Variants in FGFR1 observed in about 807,000 individuals in gnomAD.
FGFR1 encodes the protein fibroblast growth factor receptor 1, also known as FGFR1/PLAG1 fusion.
Under a neutral mutation model 93.7 loss-of-function variants are expected in FGFR1, and 18 were observed. The ratio of observed to expected loss-of-function variants is 0.19; its 90% CI spans 0.13 to 0.28. FGFR1 has a LOEUF of 0.28. FGFR1 is among the 10% of genes least tolerant of loss of function. The probability of loss-of-function intolerance (pLI) is 1.00; values close to 1 mark genes in which losing one functional copy is unlikely to be tolerated. For missense variants in FGFR1, 731 were observed against 1,080.4 expected, an observed-to-expected ratio of 0.68 and a Z score of 4.53; for synonymous variants, 448 against 429.3, an observed-to-expected ratio of 1.04 and a Z score of -0.54.
intron 1 of FGFR1, chr8:38,463,134 G>T: frequency 6.4e-6 from 1 of 156,654 alleles, no homozygotes. Flanking sequence ...TCCATCTCAT[G>T]GGCTCAAGCA....
intron 1 of FGFR1, 123 bp from the exon 2 acceptor site, chr8:38,457,657 G>C: frequency 1.1e-6 from 1 of 924,322 alleles, no homozygotes; most frequent in Non-Finnish European, 1.6e-6. Context: ...AAGGCGTCCA[G>C]AAGAAAATTG....
chr8:38,416,270 TGG>T (rs1445715214), intron 12 of FGFR1, among the ~76,000 whole-genome samples: 2 of 152,068 alleles, frequency 1.3e-5, no homozygotes, highest in African/African-American at 4.8e-5. Flanking sequence ...CGAGCAACAT[TGG>T]GGTAAGAGCC....
At chr8:38,418,433 A>G (rs1244764255) in intron 9 of FGFR1, 60 bp from the exon 10 acceptor site, 2 of 1,560,912 alleles carry the variant, frequency 1.3e-6, no homozygotes, top group African/African-American at 2.7e-5. Flanking sequence ...ACTCCTTCCC[A>G]TTCTTAGTCA....
rs56174879 is a variant in FGFR1, at chr8:38,419,719, C to T, written c.1098G>A (p.Pro366=). 337 of 1,614,100 alleles carry T rather than the reference C, an allele frequency of 2.1e-4. No individual in the cohort carries two copies. The Middle Eastern group carries it at 3.5e-3, about 17-fold the overall frequency. Residue 366 remains proline, a synonymous_variant, in exon 9 of 18, where the codon CCG becomes CCA. Coordinates refer to ENST00000447712, the MANE Select transcript of FGFR1 (RefSeq NM_023110.3). ...GGTACAGGGGCGAGGTCATCACTGCCGGCCTCTCTTCCAGGGCTGAGTCAG... is the reference window on the plus strand; with the variant it reads ...GGTACAGGGGCGAGGTCATCACTGCTGGCCTCTCTTCCAGGGCTGAGTCAG... The part of the protein sequence containing the change: ...LTVLEALEER[P]AVMTSPLYLE...
Position 38,426,877 on chromosome 8 carries a change from C to T in FGFR1, c.622-632G>A, listed in dbSNP as rs1300874294. Among the ~76,000 whole-genome samples the T allele has an allele frequency of 1.3e-5, 2 of 152,176 alleles. No individual in the cohort carries two copies. The highest frequency in any genetic ancestry group is 2.9e-5 in the Non-Finnish European group (2 of 68,024). ...CCTGTAATCCCAGCTCTTTGGGAGGCCCAGGCGGACAGATCACTTGAGGTC... is the reference window on the plus strand; with the variant it reads ...CCTGTAATCCCAGCTCTTTGGGAGGTCCAGGCGGACAGATCACTTGAGGTC... On this transcript the variant is annotated intron_variant, in intron 5 of 17. Transcript: ENST00000447712. The surrounding 1 kb of genome is among the most constrained non-coding windows in gnomAD (Gnocchi z 4.1).
rs543067009 is a variant in FGFR1, at chr8:38,442,617, G to A, written c.92-12669C>T. ...CCACTGAGCTCTGACCTTAAAGTTCGGTCAGGTTCCTTAAGGAAAAGAATG... is the reference window on the plus strand; with the variant it reads ...CCACTGAGCTCTGACCTTAAAGTTCAGTCAGGTTCCTTAAGGAAAAGAATG... On this transcript the variant is annotated intron_variant, in intron 2 of 17. Coordinates refer to ENST00000447712, the MANE Select transcript of FGFR1 (RefSeq NM_023110.3). 6.6e-5 allele frequency among the ~76,000 whole-genome samples: 10 copies of A among 152,132 alleles called. No homozygotes were observed. The South Asian group carries it at 1.0e-3, about 16-fold the overall frequency.
At chr8:38,466,222 C>T in intron 1 of FGFR1, 1 of 232,426 alleles carries the variant, frequency 4.3e-6, no homozygotes, top group East Asian at 6.0e-5. Context: ...AGCAGCCGCC[C>T]ACGCCCCCGG....
intron 9 of FGFR1, 49 bp from the exon 10 acceptor site, chr8:38,418,422 G>A (rs1329845703): frequency 3.2e-6 from 5 of 1,587,272 alleles, no homozygotes; most frequent in Non-Finnish European, 3.4e-6. Flanking sequence ...GGGACGGGGT[G>A]ACTCCTTCCC....
Position 38,411,425 on chromosome 8 carries a change from A to G in FGFR1, c.*2203T>C, listed in dbSNP as rs921498499. Reference sequence around the variant, plus strand: ...TTTAAGAGCTAAAAATTCATTTCCTAGTTCTGTTCACCAAATGATGCCTTC... The same window carrying G: ...TTTAAGAGCTAAAAATTCATTTCCTGGTTCTGTTCACCAAATGATGCCTTC... On this transcript the variant is annotated 3_prime_UTR_variant, in exon 18 of 18. Coordinates refer to ENST00000447712, the MANE Select transcript of FGFR1 (RefSeq NM_023110.3). 4.5e-6 allele frequency: 1 copy of G among 223,742 alleles called. No homozygotes were observed. Among genetic ancestry groups the G allele is most frequent in the Non-Finnish European group, 8.9e-6 (1 of 112,208 alleles). 13.9% of individuals were successfully genotyped at this position (223,742 alleles called of 1,614,324 possible). A position where few individuals can be genotyped will look rare whatever the true frequency, so the allele number is the denominator to read the frequency against.
rs767080647 is a variant in FGFR1, at chr8:38,419,543, C to A, written c.1274G>T (p.Arg425Ile). 1.2e-6 allele frequency: 2 copies of A among 1,614,136 alleles called. No individual in the cohort carries two copies. The highest frequency in any genetic ancestry group is 8.5e-7 in the Non-Finnish European group (1 of 1,180,016). The change falls in exon 9 of 18, where the codon AGA (arginine) becomes ATA (isoleucine). Residue 425 changes from arginine to isoleucine, a missense_variant. Arg to Ile is a moderately conservative substitution (Grantham distance 97). Transcript: ENST00000447712. Reference sequence around the variant, plus strand: ...CCCCCATCTACTTTCTGTTACCTGTCTGCGCAGAGGGATGCTCTTGGCCAG... The same window carrying A: ...CCCCCATCTACTTTCTGTTACCTGTATGCGCAGAGGGATGCTCTTGGCCAG... ...HKLAKSIPLR[R>I]QVTVSADSSA...
At chr8:38,465,426 G>A (rs1252823054) in intron 1 of FGFR1, 1 of 232,156 alleles carries the variant, frequency 4.3e-6, no homozygotes, top group East Asian at 6.1e-5. Flanking sequence ...CTATGACTAA[G>A]AGTAAATGCA....
intron 2 of FGFR1, among the ~76,000 whole-genome samples, chr8:38,444,556 ATT>A (rs562700623): frequency 4.6e-5 from 6 of 129,176 alleles, no homozygotes; most frequent in Non-Finnish European, 3.2e-5. Context: ...GCGTGGCTAA[ATT>A]TTTTTTTTTT....
rs996370387 is a variant in FGFR1 at position 38,412,045 on chromosome 8, G to A, written c.*1583C>T. 1.3e-5 allele frequency: 3 copies of A among 224,858 alleles called. No individual in the cohort carries two copies. The highest frequency in any genetic ancestry group is 2.7e-5 in the Non-Finnish European group (3 of 112,842). 13.9% of individuals were successfully genotyped at this position (224,858 alleles called of 1,614,324 possible). On this transcript the variant is annotated 3_prime_UTR_variant, in exon 18 of 18. Coordinates refer to ENST00000447712, the MANE Select transcript of FGFR1 (RefSeq NM_023110.3). Reference sequence around the variant, plus strand: ...GGGGCAGACACATGTCTGGGTTTCAGTTTCTGCAGACCTTCATCATTTGTT... The same window carrying A: ...GGGGCAGACACATGTCTGGGTTTCAATTTCTGCAGACCTTCATCATTTGTT...
chr8:38,461,284 C>A, intron 1 of FGFR1: 2 of 633,832 alleles, frequency 3.2e-6, no homozygotes, highest in African/African-American at 1.8e-5. Context: ...AATGTCAGAT[C>A]TCCTTGTCCA....
intron 7 of FGFR1, 137 bp from the exon 8 acceptor site, chr8:38,422,078 C>T: frequency 9.6e-7 from 1 of 1,044,982 alleles, no homozygotes; most frequent in East Asian, 2.6e-5. Context: ...CAACAAGGAA[C>T]AAACGAAAAC....
rs1193177009 is a variant in FGFR1, at chr8:38,439,074, AT to A, written c.92-9127del. ...ACCAGTAACAATGCCCTGTTTTGGCATTGCACTTAATATTTCATAGGGCCTG... is the reference window on the plus strand; with the variant it reads ...ACCAGTAACAATGCCCTGTTTTGGCATGCACTTAATATTTCATAGGGCCTG... On this transcript the variant is annotated intron_variant, in intron 2 of 17. Transcript: ENST00000447712. Among the ~76,000 whole-genome samples, 2 of 152,158 alleles carry A rather than the reference AT, an allele frequency of 1.3e-5. 1 individual carries two copies. Among genetic ancestry groups the A allele is most frequent in the African/African-American group, 4.8e-5 (2 of 41,418 alleles).
rs2150658741 is a variant in FGFR1 at position 38,417,990 on chromosome 8, G to C, written c.1432C>G (p.Leu478Val). The C allele has an allele frequency of 6.2e-7, 1 of 1,614,244 alleles. No homozygotes were observed. The highest frequency in any genetic ancestry group is 8.5e-7 in the Non-Finnish European group (1 of 1,180,050). ...DPRWELPRDR[L>V]VLGKPLGEGC... ...TCTCCCAGGGGTTTGCCTAAGACCA[G>C]TCTTTCGGGGGAAACAGAGAGTGGC... Residue 478 changes from leucine to valine, a missense_variant and splice_region_variant, in exon 11 of 18, where the codon CTG becomes GTG. Leu to Val is a conservative substitution (Grantham distance 32, BLOSUM62 1). Coordinates refer to ENST00000447712, the MANE Select transcript of FGFR1 (RefSeq NM_023110.3).
intron 15 of FGFR1, 68 bp downstream of exon 15, chr8:38,414,491 A>C: frequency 6.3e-7 from 1 of 1,578,972 alleles, no homozygotes; most frequent in Non-Finnish European, 8.7e-7. Context: ...CCAGGGAGAA[A>C]GCAGGACTCT....
chr8:38,455,007 A>C (rs1586723141), intron 2 of FGFR1, among the ~76,000 whole-genome samples: 5 of 112,424 alleles, frequency 4.4e-5, no homozygotes, highest in Admixed American at 1.2e-4. Context: ...ACAGAGTTTC[A>C]CTCTGTCACC....
Sources: gnomAD v4.1 joint callset for allele counts (sites outside exome capture counted in the v4.1 genomes callset) on GRCh38, gnomAD v4.1.1 for gene constraint, Gnocchi (gnomAD v3.1) non-coding constraint, MANE v1.5 for transcripts, NCBI Gene and HGNC (gene_info 2026-07-23, HGNC 2026-07-21) for gene names.